The following ZNF497 variants were observed in gnomAD, a reference collection of about 807,000 sequenced individuals.
The protein encoded by ZNF497 is zinc finger protein 497.
For synonymous variants in ZNF497, 422 were observed against 313.7 expected (o/e 1.35, Z -3.65); for missense variants, 930 against 714.0 (o/e 1.30, Z -3.45).
chr19:58,357,716 G>T, intron 2 of ZNF497, 67 bp from the exon 3 acceptor site: 1 of 1,408,948 alleles, frequency 7.1e-7, no homozygotes. Flanking sequence ...GGGCCTGAGG[G>T]GGACACGACG....
chr19:58,356,199 G>A lies in ZNF497; in HGVS notation c.1437C>T (p.Phe479=). The A allele has an allele frequency of 1.3e-6, 2 of 1,598,756 alleles. No homozygotes were observed. Among genetic ancestry groups the A allele is most frequent in the Non-Finnish European group, 1.7e-6 (2 of 1,171,134 alleles). ...GCTCGTTGAGGTTGCAACGGTGGCT[G>A]AAAGGCTTCCCGCACTCGCCGCAAG... is the stretch of plus-strand genomic sequence containing the variant. ...PYACGECGKP[F]SHRCNLNEHQ... is the part of the protein sequence containing the mutation. The change falls in exon 3 of 3, where the codon TTC becomes TTT. Residue 479 remains phenylalanine (F), a synonymous_variant. Coordinates refer to ENST00000311044, the MANE Select transcript of ZNF497 (RefSeq NM_198458.3).
Position 58,357,551 on chromosome 19 carries a change from G to T in ZNF497, c.85C>A (p.Leu29Ile), listed in dbSNP as rs758079271. 5 of 1,603,548 alleles carry T rather than the reference G, an allele frequency of 3.1e-6. No individual in the cohort carries two copies. The East Asian group carries it at 1.1e-4, about 36-fold the overall frequency. ...CCTCCAGACACAGCCCCCTCAGAGA[G>T]GCCCCTCGTGGCAGTCTTCACATTG... ...LCNVKTATRG[L>I]SEGAVSGGWG... Residue 29 changes from leucine (L) to isoleucine (I), a missense_variant, in exon 3 of 3, where the codon CTC becomes ATC. Leu to Ile is a conservative substitution (Grantham distance 5). Transcript: ENST00000311044.
At chr19:58,358,284 T>C in intron 2 of ZNF497, 1 of 1,289,378 alleles carries the variant, frequency 7.8e-7, no homozygotes, top group Non-Finnish European at 1.0e-6. Flanking sequence ...GCAGCCCAGA[T>C]CCCTGAGAGA....
At position 58,355,748 on chromosome 19, in the gene ZNF497, C is replaced by G. The variant is rs78988957; in HGVS notation, c.*391G>C. On this transcript the variant is annotated 3_prime_UTR_variant, in exon 3 of 3. Transcript: ENST00000311044. ...ACACAGTGGCCACTGCACTGAGCAG[C>G]TGGTAGCAGCAGTGGTGACCATGTG... 613 of 197,668 alleles carry G rather than the reference C, an allele frequency of 3.1e-3. 5 individuals are homozygous for G. Among genetic ancestry groups the G allele is most frequent in the African/African-American group, 0.013 (542 of 42,654 alleles). 12.2% of individuals were successfully genotyped at this position (197,668 alleles called of 1,614,324 possible).
rs781655124 is a variant in ZNF497 at position 58,356,328 on chromosome 19, G to A, written c.1308C>T (p.His436=). ...SSELRQHQRL[H]SGERPFVCAH... is the part of the protein sequence containing the mutation. ...CGCAGACGAACGGCCTCTCGCCAGA[G>A]TGCAGGCGCTGGTGCTGGCGCAGCT... is the stretch of plus-strand genomic sequence containing the variant. The change falls in exon 3 of 3, where the codon CAC becomes CAT. Residue 436 remains histidine, a synonymous_variant. Transcript: ENST00000311044. The A allele has an allele frequency of 4.4e-5, 69 of 1,575,442 alleles. No homozygotes were observed. The highest frequency in any genetic ancestry group is 5.4e-5 in the Non-Finnish European group (63 of 1,162,706).
In ZNF497 at chr19:58,356,606, A is replaced by G. The variant is rs2052024290; in HGVS notation, c.1030T>C (p.Tyr344His). 8.0e-6 allele frequency: 12 copies of G among 1,508,802 alleles called. No individual in the cohort carries two copies. The highest frequency in any genetic ancestry group is 1.5e-5 in the African/African-American group (1 of 65,522). 93.5% of individuals were successfully genotyped at this position (1,508,802 alleles called of 1,614,324 possible). ...TGCACGCGCCGGTGCTCCGCCAGGT[A>G]GGAGCCCATGACGAAAGCCTGGCCG... The part of the protein sequence containing the change: ...ECGQAFVMGS[Y>H]LAEHRRVHTG... The change falls in exon 3 of 3, where the codon TAC (tyrosine) becomes CAC (histidine). Residue 344 changes from tyrosine to histidine, a missense_variant. Coordinates refer to ENST00000311044, the MANE Select transcript of ZNF497 (RefSeq NM_198458.3).
intron 1 of ZNF497, among the ~76,000 whole-genome samples, chr19:58,362,245 G>A (rs2052102021): frequency 6.6e-6 from 1 of 152,264 alleles, no homozygotes; most frequent in Admixed American, 6.5e-5. Flanking sequence ...CTGCGGCCAG[G>A]TGGCGCGAGG....
At position 58,357,573 on chromosome 19, in the gene ZNF497, A is replaced by G. The variant is rs199978131; in HGVS notation, c.63T>C (p.Asn21=). ...AGAGGCCCCTCGTGGCAGTCTTCAC[A>G]TTGCAGAGGACCTGGCCTTCCTCTG... is the stretch of plus-strand genomic sequence containing the variant. The part of the protein sequence containing the change: ...VAPEEGQVLC[N]VKTATRGLSE... The change falls in exon 3 of 3, where the codon AAT becomes AAC. Residue 21 remains asparagine, a synonymous_variant. Coordinates refer to ENST00000311044, the MANE Select transcript of ZNF497 (RefSeq NM_198458.3). 6.9e-6 allele frequency: 11 copies of G among 1,594,344 alleles called. 1 individual carries two copies. The highest frequency in any genetic ancestry group is 1.7e-4 in the Middle Eastern group (1 of 5,982).
chr19:58,358,229 C>T (rs1299685674), intron 2 of ZNF497: 2 of 1,289,888 alleles, frequency 1.6e-6, no homozygotes, highest in Non-Finnish European at 2.0e-6. Context: ...CACACCAGGC[C>T]TCTGTGCAGG....
chr19:58,356,626 T>C lies in ZNF497; in HGVS notation c.1010A>G (p.Gln337Arg), dbSNP rs993301299. The change falls in exon 3 of 3, where the codon CAG becomes CGG. Residue 337 changes from glutamine (Q) to arginine (R), a missense_variant. Transcript: ENST00000311044. The part of the protein sequence containing the change: ...ERPFECAECG[Q>R]AFVMGSYLAE... Reference sequence around the variant, plus strand: ...CAGGTAGGAGCCCATGACGAAAGCCTGGCCGCACTCGGCGCACTCGAAGGG... The same window carrying C: ...CAGGTAGGAGCCCATGACGAAAGCCCGGCCGCACTCGGCGCACTCGAAGGG... The C allele has an allele frequency of 6.5e-7, 1 of 1,546,624 alleles. No homozygotes were observed.
Position 58,356,829 on chromosome 19 carries a change from C to A in ZNF497, c.807G>T (p.Ala269=). Residue 269 remains alanine (A), a synonymous_variant, in exon 3 of 3, where the codon GCG becomes GCT. Transcript: ENST00000311044. ...CGGGACAGGCGTGTGGCCGTGCGCC[C>A]GCGTGGATCTTCAGGTGCTCGGCCA... ...SNLAEHLKIH[A]GARPHACPDC... 6.4e-7 allele frequency: 1 copy of A among 1,570,386 alleles called. No individual in the cohort carries two copies. Among genetic ancestry groups the A allele is most frequent in the Non-Finnish European group, 8.6e-7 (1 of 1,164,474 alleles).
intron 1 of ZNF497, among the ~76,000 whole-genome samples, chr19:58,361,659 T>C (rs1201773715): frequency 1.3e-5 from 2 of 152,212 alleles, no homozygotes; most frequent in Non-Finnish European, 2.9e-5. Context: ...ACCTGGCCTC[T>C]AGTTTTTCAA....
In ZNF497 at chr19:58,355,989, G is replaced by A; in HGVS notation, c.*150C>T. 1 of 865,886 alleles carries A rather than the reference G, an allele frequency of 1.2e-6. No homozygotes were observed. The highest frequency in any genetic ancestry group is 1.7e-6 in the Non-Finnish European group (1 of 587,410). 53.6% of individuals were successfully genotyped at this position (865,886 alleles called of 1,614,324 possible). On this transcript the variant is annotated 3_prime_UTR_variant, in exon 3 of 3. Transcript: ENST00000311044. ...TCGTCAAAGGGACTGTGCAGCCAGG[G>A]TTCTCCACACCCAAGGCCGCCCCTG... is the stretch of plus-strand genomic sequence containing the variant.
intron 2 of ZNF497, 34 bp from the exon 3 acceptor site, chr19:58,357,683 G>T: frequency 5.3e-6 from 8 of 1,496,272 alleles, no homozygotes; most frequent in Non-Finnish European, 7.1e-6. Context: ...GTACCTTAGA[G>T]AATACAAAGA....
rs779987707 is a variant in ZNF497 at position 58,356,666 on chromosome 19, G to A, written c.970C>T (p.His324Tyr). The change falls in exon 3 of 3, where the codon CAC (histidine) becomes TAC (tyrosine). Residue 324 changes from histidine to tyrosine, a missense_variant. By Grantham distance (83) the His-to-Tyr change is moderately conservative. Transcript: ENST00000311044. ...SSQLLQHQRTHTGERPFECAE... is the reference protein window; with the variant it reads ...SSQLLQHQRTYTGERPFECAE... ...CACTCGAAGGGCCGCTCACCAGTGT[G>A]CGTGCGCTGGTGCTGCAGGAGCTGC... The A allele has an allele frequency of 5.8e-6, 9 of 1,551,840 alleles. No homozygotes were observed. In the South Asian group the frequency reaches 7.0e-5, roughly 12 times the overall value.
At position 58,356,804 on chromosome 19, in the gene ZNF497, C is replaced by T. The variant is rs1406926069; in HGVS notation, c.832G>A (p.Asp278Asn). The T allele has an allele frequency of 3.8e-6, 6 of 1,576,200 alleles. No homozygotes were observed. Among genetic ancestry groups the T allele is most frequent in the African/African-American group, 1.3e-5 (1 of 74,278 alleles). The change falls in exon 3 of 3, where the codon GAC becomes AAC. Residue 278 changes from aspartate (D) to asparagine (N), a missense_variant. By Grantham distance (23) the Asp-to-Asn change is conservative (BLOSUM62 1). Coordinates refer to ENST00000311044, the MANE Select transcript of ZNF497 (RefSeq NM_198458.3). ...ACACGCACGAAGGCCTTGCCGCAGTCGGGACAGGCGTGTGGCCGTGCGCCC... is the reference window on the plus strand; with the variant it reads ...ACACGCACGAAGGCCTTGCCGCAGTTGGGACAGGCGTGTGGCCGTGCGCCC... Reference protein sequence around the residue: ...HAGARPHACPDCGKAFVRVAG... With the variant: ...HAGARPHACPNCGKAFVRVAG...
rs555609027 is a variant in ZNF497 at position 58,359,090 on chromosome 19, C to T, written c.-111-505G>A. 18 of 889,004 alleles carry T rather than the reference C, an allele frequency of 2.0e-5. No homozygotes were observed. In the South Asian group the frequency reaches 2.4e-4, roughly 12 times the overall value. 55.1% of individuals were successfully genotyped at this position (889,004 alleles called of 1,614,324 possible). A position where few individuals can be genotyped will look rare whatever the true frequency, so the allele number is the denominator to read the frequency against. ...GCAGGCCTCAGGCATCAGCCACTGG[C>T]AACACAGCTCACGCAGCTGAGCCAG... On this transcript the variant is annotated intron_variant, in intron 1 of 2. Transcript: ENST00000311044.
chr19:58,357,092 CCTG>C lies in ZNF497; in HGVS notation c.541_543del (p.Gln181del), dbSNP rs2052034527. ...AAGGGCTTCAGGCCGCTGTGTGTCT[CCTG>C]GTGGTGGATGAGCTGCGAGTGCGCG... On this transcript the variant is annotated inframe_deletion, in exon 3 of 3. Coordinates refer to ENST00000311044, the MANE Select transcript of ZNF497 (RefSeq NM_198458.3). The C allele has an allele frequency of 1.2e-6, 2 of 1,607,622 alleles. No homozygotes were observed. The highest frequency in any genetic ancestry group is 8.5e-7 in the Non-Finnish European group (1 of 1,175,984).
At position 58,357,499 on chromosome 19, in the gene ZNF497, T is replaced by C; in HGVS notation, c.137A>G (p.Glu46Gly). The change falls in exon 3 of 3, where the codon GAG (glutamate) becomes GGG (glycine). Residue 46 changes from glutamate to glycine, a missense_variant. By Grantham distance (98) the Glu-to-Gly change is moderately conservative. Transcript: ENST00000311044. Reference protein sequence around the residue: ...GGWGAWENSTEVPREAGDGQR... With the variant: ...GGWGAWENSTGVPREAGDGQR... Reference sequence around the variant, plus strand: ...GCCGTCCCCTGCCTCCCTCGGAACCTCCGTGGAGTTTTCCCAGGCCCCCCA... The same window carrying C: ...GCCGTCCCCTGCCTCCCTCGGAACCCCCGTGGAGTTTTCCCAGGCCCCCCA... The C allele has an allele frequency of 6.2e-7, 1 of 1,602,630 alleles. No homozygotes were observed. Among genetic ancestry groups the C allele is most frequent in the Admixed American group, 1.7e-5 (1 of 58,428 alleles).
Sources: allele counts gnomAD v4.1 joint callset (sites outside exome capture counted in the v4.1 genomes callset), GRCh38; gene constraint gnomAD v4.1.1; transcripts MANE v1.5; gene names NCBI Gene and HGNC (gene_info 2026-07-23, HGNC 2026-07-21).